RBFOX1: variants seen among roughly 807,000 people sequenced by gnomAD.
The protein encoded by RBFOX1 is RNA binding protein fox-1 homolog 1.
Under a neutral mutation model 57.7 loss-of-function variants are expected in RBFOX1, and 8 were observed. The ratio of observed to expected loss-of-function variants is 0.14; its 90% CI spans 0.08 to 0.25. The LOEUF (loss-of-function observed/expected upper bound fraction) is 0.25. Ranked by LOEUF, RBFOX1 falls within the 10% of genes least tolerant of loss-of-function variation. The pLI is 1.00. For missense variants in RBFOX1, 611 were observed against 548.5 expected (o/e 1.11, Z -1.14); for synonymous variants, 326 against 222.4 (o/e 1.47, Z -4.15).
chr16:6,746,335 A>G (rs1316593560), intron 3 of RBFOX1, among the ~76,000 whole-genome samples: 2 of 152,182 alleles, frequency 1.3e-5, no homozygotes, highest in East Asian at 1.9e-4. Context: ...CAATTTGGGA[A>G]GATGAATACT....
chr16:5,903,433 C>T (rs2058360165), intron 4 of RBFOX1, among the ~76,000 whole-genome samples: 1 of 152,108 alleles, frequency 6.6e-6, no homozygotes, highest in East Asian at 1.9e-4. Flanking sequence ...TCCCTGTTTG[C>T]AAAAGGGGGC....
At chr16:6,477,978 C>G (rs2153089863) in intron 2 of RBFOX1, among the ~76,000 whole-genome samples, 1 of 152,210 alleles carries the variant, frequency 6.6e-6, no homozygotes, top group Non-Finnish European at 1.5e-5. Context: ...TTTCCCACCT[C>G]TCTCTGCCTC....
intron 1 of RBFOX1, among the ~76,000 whole-genome samples, chr16:6,132,321 C>G (rs916354592): frequency 2.6e-5 from 4 of 152,166 alleles, no homozygotes; most frequent in Non-Finnish European, 5.9e-5. Context: ...AAATGTGTGA[C>G]TTGTCCATTG....
intron 3 of RBFOX1, among the ~76,000 whole-genome samples, chr16:5,623,858 C>G (rs1460417971): frequency 1.3e-5 from 2 of 152,108 alleles, no homozygotes; most frequent in Admixed American, 6.6e-5. Context: ...ATTGAGATAT[C>G]ATTCATATAC....
Position 5,825,741 on chromosome 16 carries a change from T to TATTCCTTAATATGAATAAGGAATAA in RBFOX1, c.319-41562_319-41561insATTCCTTAATATGAATAAGGAATAA, listed in dbSNP as rs1567591805. On this transcript the variant is annotated intron_variant, in intron 3 of 19. Transcript: ENST00000641259. ...CACTCCCTGTTTCCTCCTTCCCTTA[T>TATTCCTTAATATGAATAAGGAATAA]TATTCCTTAATATGAATAAGGAATA... Among the ~76,000 whole-genome samples, 54 of 146,760 alleles carry TATTCCTTAATATGAATAAGGAATAA rather than the reference T, an allele frequency of 3.7e-4. 1 individual carries two copies. The highest frequency in any genetic ancestry group is 1.3e-3 in the African/African-American group (49 of 38,928).
In RBFOX1 at chr16:7,711,699, AAGTT is replaced by A. The variant is rs1464632806; in HGVS notation, c.*955_*958del. ...TTTACATCTGTGCAGTGGAGTTGTT[AAGTT>A]CTAGAAACAGTCTATGAAGCTTTAG... On this transcript the variant is annotated 3_prime_UTR_variant, in exon 16 of 16. Transcript: ENST00000550418. 6.6e-6 allele frequency: 1 copy of A among 152,666 alleles called. No individual in the cohort carries two copies. Among genetic ancestry groups the A allele is most frequent in the Admixed American group, 6.5e-5 (1 of 15,290 alleles). 9.5% of individuals were successfully genotyped at this position (152,666 alleles called of 1,614,324 possible). A position where few individuals can be genotyped will look rare whatever the true frequency, so the allele number is the denominator to read the frequency against.
chr16:7,064,987 C>T (rs145925837), intron 4 of RBFOX1, among the ~76,000 whole-genome samples: 1 of 152,140 alleles, frequency 6.6e-6, no homozygotes, highest in South Asian at 2.1e-4. Context: ...TGTGTCACCA[C>T]CACATACAAC....
At chr16:5,246,455 G>A (rs1336928900) in intron 1 of RBFOX1, among the ~76,000 whole-genome samples, 1 of 151,882 alleles carries the variant, frequency 6.6e-6, no homozygotes, top group African/African-American at 2.4e-5. Context: ...TTATTTTTTT[G>A]TGGTGAGAAC....
chr16:7,196,620 A>G (rs949323707), intron 4 of RBFOX1, among the ~76,000 whole-genome samples: 8 of 152,338 alleles, frequency 5.3e-5, no homozygotes, highest in Middle Eastern at 6.8e-3. Context: ...ACCAGGGTCA[A>G]TGCCTTCAAA....
At chr16:7,050,590 G>T (rs1598119705) in intron 3 of RBFOX1, among the ~76,000 whole-genome samples, 1 of 151,914 alleles carries the variant, frequency 6.6e-6, no homozygotes, top group Non-Finnish European at 1.5e-5. Context: ...TTAATGATCT[G>T]TTTCACTGTA....
chr16:6,487,648 C>T (rs1221038065), intron 2 of RBFOX1, among the ~76,000 whole-genome samples: 1 of 126,630 alleles, frequency 7.9e-6, no homozygotes, highest in Non-Finnish European at 1.6e-5. Context: ...GTGTTTTCAG[C>T]TTCCAAAGAT....
At chr16:5,840,227 C>G (rs1384209907) in intron 3 of RBFOX1, among the ~76,000 whole-genome samples, 3 of 152,194 alleles carry the variant, frequency 2.0e-5, no homozygotes, top group East Asian at 3.9e-4. Flanking sequence ...CTTGGCATCT[C>G]AGTCTCAGCC....
At chr16:5,628,973 A>T (rs755514646) in intron 3 of RBFOX1, among the ~76,000 whole-genome samples, 1 of 152,222 alleles carries the variant, frequency 6.6e-6, no homozygotes, top group African/African-American at 2.4e-5. Context: ...CCAAATGTCA[A>T]CAGAGTAAAC....
intron 3 of RBFOX1, among the ~76,000 whole-genome samples, chr16:6,976,817 T>G (rs902180652): frequency 2.1e-5 from 3 of 144,786 alleles, no homozygotes; most frequent in African/African-American, 7.6e-5. Flanking sequence ...ATAAATGATC[T>G]AGATCATATA....
downstream of RBFOX1, among the ~76,000 whole-genome samples, chr16:5,603,968 G>T (rs2047464710): frequency 6.8e-6 from 1 of 147,832 alleles, no homozygotes; most frequent in South Asian, 2.1e-4. Context: ...CTAAGCAATG[G>T]TGTCATTCTC....
intron 2 of RBFOX1, among the ~76,000 whole-genome samples, chr16:5,510,040 C>G (rs957138041): frequency 1.3e-5 from 2 of 152,202 alleles, no homozygotes; most frequent in Non-Finnish European, 2.9e-5. Context: ...CGCGTCAGTT[C>G]TGATGCTCCT....
chr16:7,011,521 GT>G (rs145735573), intron 3 of RBFOX1, among the ~76,000 whole-genome samples: 3,446 of 151,934 alleles, frequency 0.023, 129 homozygotes, highest in African/African-American at 0.077. Flanking sequence ...GTTTTGTTTT[GT>G]TTGTTTTTTG....
At chr16:6,217,231 T>C (rs1392404110) in intron 1 of RBFOX1, among the ~76,000 whole-genome samples, 1 of 151,194 alleles carries the variant, frequency 6.6e-6, no homozygotes, top group Admixed American at 6.6e-5. Context: ...TGTTATTTTA[T>C]TGAATGTCCC....
intron 4 of RBFOX1, among the ~76,000 whole-genome samples, chr16:7,276,349 T>C (rs77732530): frequency 0.027 from 4,159 of 152,212 alleles, 100 homozygotes; most frequent in East Asian, 0.13. Context: ...GGCAGCTAGG[T>C]TTGCTTGTGT....
Sources: gnomAD v4.1 joint callset for allele counts (sites outside exome capture counted in the v4.1 genomes callset) on GRCh38, gnomAD v4.1.1 for gene constraint, MANE v1.5 for transcripts, NCBI Gene and HGNC (gene_info 2026-07-23, HGNC 2026-07-21) for gene names.